Variants in RPH3A observed in about 807,000 individuals in gnomAD.
The protein encoded by RPH3A is rabphilin 3A.
In RPH3A, 48 loss-of-function variants were observed where a neutral mutation model predicts 102.2. The ratio of observed to expected loss-of-function variants is 0.47; its 90% CI spans 0.37 to 0.60. RPH3A has a LOEUF of 0.60. Ranked by LOEUF, RPH3A falls within the 20% of genes least tolerant of loss-of-function variation. RPH3A has a pLI of 0.00. For synonymous variants in RPH3A, 310 were observed against 324.3 expected (o/e 0.96, Z 0.47); for missense variants, 781 against 910.1 (o/e 0.86, Z 1.83).
At chr12:112,828,992 T>G (rs1011834565) in intron 3 of RPH3A, among the ~76,000 whole-genome samples, 1 of 152,194 alleles carries the variant, frequency 6.6e-6, no homozygotes, top group African/African-American at 2.4e-5. Flanking sequence ...TGGCAAGAGC[T>G]CTCCAGTTTT....
At chr12:112,746,499 G>A (rs2040747480) in intron 1 of RPH3A, among the ~76,000 whole-genome samples, 2 of 152,060 alleles carry the variant, frequency 1.3e-5, no homozygotes, top group Non-Finnish European at 1.5e-5. Context: ...GATCTCAGGT[G>A]GGCCAAGCAT....
chr12:112,807,623 A>AATAT (rs1453722481), intron 2 of RPH3A, among the ~76,000 whole-genome samples: 3 of 152,194 alleles, frequency 2.0e-5, no homozygotes, highest in African/African-American at 7.2e-5. Flanking sequence ...TTACCAAGTC[A>AATAT]ATATATTATG....
chr12:112,875,548 T>C (rs2042781555), intron 11 of RPH3A, 131 bp from the exon 12 acceptor site: 1 of 737,246 alleles, frequency 1.4e-6, no homozygotes, highest in Admixed American at 2.5e-5. Flanking sequence ...AGTGGGACTG[T>C]TTCTGCAGCC....
intron 19 of RPH3A, chr12:112,894,336 T>C (rs752575392): frequency 2.9e-5 from 15 of 521,860 alleles, no homozygotes; most frequent in Non-Finnish European, 4.6e-5. Flanking sequence ...AGTTTCTGTT[T>C]CTGTAAACTG....
intron 1 of RPH3A, among the ~76,000 whole-genome samples, chr12:112,595,076 C>G (rs945066125): frequency 2.6e-5 from 4 of 152,202 alleles, no homozygotes; most frequent in Admixed American, 6.5e-5. Context: ...AGTCCCATTT[C>G]CACACTTACT....
At chr12:112,767,327 C>A (rs2040897419) in intron 1 of RPH3A, among the ~76,000 whole-genome samples, 1 of 152,242 alleles carries the variant, frequency 6.6e-6, no homozygotes, top group Non-Finnish European at 1.5e-5. Context: ...CCCTTATTGT[C>A]CTCCTCCTCA....
At chr12:112,819,669 A>G (rs1217023942) in intron 2 of RPH3A, among the ~76,000 whole-genome samples, 1 of 152,234 alleles carries the variant, frequency 6.6e-6, no homozygotes, top group Non-Finnish European at 1.5e-5. Context: ...GGGTTCAGCT[A>G]GGCCAAACTT....
intron 7 of RPH3A, 38 bp downstream of exon 7, chr12:112,866,878 T>A (rs2042620189): frequency 1.3e-6 from 2 of 1,533,340 alleles, no homozygotes; most frequent in Non-Finnish European, 1.8e-6. Flanking sequence ...TAGATCACCC[T>A]CCTTTCTTGG....
At chr12:112,879,035 C>A in intron 13 of RPH3A, 84 bp from the exon 14 acceptor site, 5 of 1,215,980 alleles carry the variant, frequency 4.1e-6, no homozygotes, top group Non-Finnish European at 4.8e-6. Flanking sequence ...CACAGCCCAG[C>A]CTGGGCATAT....
At chr12:112,671,876 C>T (rs1200097883) in intron 1 of RPH3A, among the ~76,000 whole-genome samples, 1 of 151,800 alleles carries the variant, frequency 6.6e-6, no homozygotes. Flanking sequence ...TATCTACACA[C>T]ACACACACAC....
intron 3 of RPH3A, among the ~76,000 whole-genome samples, chr12:112,828,872 A>G (rs932289173): frequency 2.0e-5 from 3 of 152,248 alleles, no homozygotes; most frequent in African/African-American, 4.8e-5. Flanking sequence ...ATTTCACACG[A>G]AAGTCCAGAT....
At chr12:112,680,550 T>TGC (rs2040219391) in intron 1 of RPH3A, among the ~76,000 whole-genome samples, 1 of 152,134 alleles carries the variant, frequency 6.6e-6, no homozygotes, top group African/African-American at 2.4e-5. Context: ...GCAGTAGAGC[T>TGC]GGCATTTGAA....
At chr12:112,713,273 A>AT (rs1328943512) in intron 1 of RPH3A, among the ~76,000 whole-genome samples, 1 of 151,662 alleles carries the variant, frequency 6.6e-6, no homozygotes, top group Non-Finnish European at 1.5e-5. Flanking sequence ...AGCCTATTGT[A>AT]TTGTCTTGCA....
chr12:112,866,549 T>C (rs539862890), intron 6 of RPH3A, among the ~76,000 whole-genome samples: 1 of 152,304 alleles, frequency 6.6e-6, no homozygotes, highest in South Asian at 2.1e-4. Flanking sequence ...AATTCCTTCA[T>C]CCAGTGCTTG....
Position 112,895,853 on chromosome 12 carries a change from G to A in RPH3A, c.1934G>A (p.Gly645Asp). Residue 645 changes from glycine (G) to aspartate (D), a missense_variant, in exon 21 of 22, where the codon GGC becomes GAC. Coordinates refer to ENST00000389385, the MANE Select transcript of RPH3A (RefSeq NM_001143854.2). Reference sequence around the variant, plus strand: ...ATTTCAGTCTGGGACTATGACATCGGCAAGTCCAATGATTACATCGGTGAG... The same window carrying A: ...ATTTCAGTCTGGGACTATGACATCGACAAGTCCAATGATTACATCGGTGAG... The part of the protein sequence containing the change: ...LDISVWDYDI[G>D]KSNDYIGGCQ... The A allele has an allele frequency of 6.2e-7, 1 of 1,612,806 alleles. No homozygotes were observed. Among genetic ancestry groups the A allele is most frequent in the Non-Finnish European group, 8.5e-7 (1 of 1,179,004 alleles).
intron 5 of RPH3A, among the ~76,000 whole-genome samples, chr12:112,865,090 A>C (rs189468644): frequency 3.3e-5 from 5 of 152,306 alleles, no homozygotes; most frequent in Non-Finnish European, 7.3e-5. Flanking sequence ...GAGACAGATA[A>C]ATAGACCTAA....
At chr12:112,708,258 T>C (rs1423187242) in intron 1 of RPH3A, among the ~76,000 whole-genome samples, 6 of 152,174 alleles carry the variant, frequency 3.9e-5, no homozygotes. Flanking sequence ...TTATCTAAAG[T>C]CTGGCATGTA....
At chr12:112,820,236 T>G (rs897243958) in intron 2 of RPH3A, among the ~76,000 whole-genome samples, 3 of 152,220 alleles carry the variant, frequency 2.0e-5, no homozygotes, top group African/African-American at 7.2e-5. Flanking sequence ...TGCTCCACTT[T>G]AGCTGCTGGA....
chr12:112,686,729 G>A (rs1327648539), intron 1 of RPH3A, among the ~76,000 whole-genome samples: 1 of 152,204 alleles, frequency 6.6e-6, no homozygotes, highest in African/African-American at 2.4e-5. Context: ...CAGAATCAAG[G>A]GCTAAATTAA....
Sources: allele counts gnomAD v4.1 joint callset (sites outside exome capture counted in the v4.1 genomes callset), GRCh38; gene constraint gnomAD v4.1.1; transcripts MANE v1.5; gene names NCBI Gene and HGNC (gene_info 2026-07-23, HGNC 2026-07-21).